Variants in IMMP2L observed in about 807,000 individuals in gnomAD.
The protein encoded by IMMP2L is mitochondrial inner membrane protease subunit 2.
In IMMP2L, 18 loss-of-function variants were observed where a neutral mutation model predicts 19.3. That is an observed-to-expected ratio of 0.93 (90% confidence interval 0.64 to 1.38). The LOEUF (loss-of-function observed/expected upper bound fraction) is 1.38, where lower values mean the gene tolerates loss of function less well. IMMP2L is among the 40% of genes most tolerant of loss of function. IMMP2L has a pLI of 0.00. For synonymous variants in IMMP2L, 76 were observed against 73.0 expected, an observed-to-expected ratio of 1.04 and a Z score of -0.21; for missense variants, 233 against 218.2, an observed-to-expected ratio of 1.07 and a Z score of -0.43.
chr7:111,084,608 A>G (rs1470599955), intron 3 of IMMP2L, among the ~76,000 whole-genome samples: 2 of 152,200 alleles, frequency 1.3e-5, no homozygotes. Flanking sequence ...AGGCAAAAGA[A>G]CAAGCCTAGG....
At chr7:111,274,956 G>A (rs1406458540) in intron 3 of IMMP2L, among the ~76,000 whole-genome samples, 1 of 152,142 alleles carries the variant, frequency 6.6e-6, no homozygotes, top group Non-Finnish European at 1.5e-5. Context: ...CTGTCTGCTT[G>A]ACATCTTCCA....
chr7:111,328,097 A>G (rs1024708416), intron 3 of IMMP2L, among the ~76,000 whole-genome samples: 2 of 151,762 alleles, frequency 1.3e-5, no homozygotes, highest in Non-Finnish European at 2.9e-5. Flanking sequence ...TAATGAAACT[A>G]CAAAGATCCA....
At chr7:111,033,682 T>C (rs1791054760) in intron 3 of IMMP2L, among the ~76,000 whole-genome samples, 1 of 152,194 alleles carries the variant, frequency 6.6e-6, no homozygotes, top group South Asian at 2.1e-4. Context: ...GAACCATTAA[T>C]GTATATTGCT....
chr7:111,068,842 C>T (rs1794723743), intron 3 of IMMP2L, among the ~76,000 whole-genome samples: 1 of 152,168 alleles, frequency 6.6e-6, no homozygotes, highest in Non-Finnish European at 1.5e-5. Context: ...TTAGAAATGA[C>T]ATGTCAGAAG....
At chr7:110,817,111 G>A (rs1168548978) in intron 5 of IMMP2L, among the ~76,000 whole-genome samples, 1 of 152,062 alleles carries the variant, frequency 6.6e-6, no homozygotes, top group Non-Finnish European at 1.5e-5. Flanking sequence ...GTTCTGGCCA[G>A]GGCAATTAGG....
Position 110,895,951 on chromosome 7 carries a change from T to C in IMMP2L, c.306-9256A>G, listed in dbSNP as rs184348308. ...ATTTTATGCAAACACAATCATGTTT[T>C]GCTGGGACTACAGGTGTGTGCCACC... On this transcript the variant is annotated intron_variant, in intron 4 of 5. Transcript: ENST00000405709. 2.9e-3 allele frequency among the ~76,000 whole-genome samples: 443 copies of C among 152,248 alleles called. 1 individual carries two copies. The highest frequency in any genetic ancestry group is 0.014 in the Middle Eastern group (4 of 294).
At chr7:111,220,476 G>T (rs1812389883) in intron 3 of IMMP2L, among the ~76,000 whole-genome samples, 1 of 151,930 alleles carries the variant, frequency 6.6e-6, no homozygotes, top group African/African-American at 2.4e-5. Context: ...TTTAATATCA[G>T]AAAATTTATT....
At chr7:110,784,011 CAAAT>C (rs552063336) in intron 5 of IMMP2L, among the ~76,000 whole-genome samples, 14 of 151,878 alleles carry the variant, frequency 9.2e-5, no homozygotes, top group African/African-American at 3.1e-4. Context: ...TTTTATGGCA[CAAAT>C]AAATATTTTC....
chr7:111,127,467 GC>G (rs1268925991), intron 3 of IMMP2L, among the ~76,000 whole-genome samples: 1 of 152,100 alleles, frequency 6.6e-6, no homozygotes, highest in Non-Finnish European at 1.5e-5. Context: ...CTAGTAGTGA[GC>G]ATTAAAATGA....
chr7:111,515,585 T>C (rs1208890624), intron 2 of IMMP2L, among the ~76,000 whole-genome samples: 1 of 152,178 alleles, frequency 6.6e-6, no homozygotes, highest in East Asian at 1.9e-4. Context: ...TCTCTGAGAA[T>C]TTCCCTTGCT....
At chr7:111,288,932 G>T (rs1820788789) in intron 3 of IMMP2L, among the ~76,000 whole-genome samples, 1 of 152,136 alleles carries the variant, frequency 6.6e-6, no homozygotes. Context: ...ATACCCAAAA[G>T]ATTGTAAATC....
At chr7:111,087,628 G>A (rs1433217383) in intron 3 of IMMP2L, among the ~76,000 whole-genome samples, 1 of 151,970 alleles carries the variant, frequency 6.6e-6, no homozygotes, top group Non-Finnish European at 1.5e-5. Context: ...TATATGCATT[G>A]TGGAGCTTAA....
chr7:110,995,914 G>A (rs775355410), intron 3 of IMMP2L, among the ~76,000 whole-genome samples: 1 of 152,018 alleles, frequency 6.6e-6, no homozygotes, highest in Non-Finnish European at 1.5e-5. Flanking sequence ...TCCTTTTATG[G>A]CATTCATAAT....
intron 5 of IMMP2L, among the ~76,000 whole-genome samples, chr7:110,857,511 C>T (rs1806920663): frequency 6.6e-6 from 1 of 152,038 alleles, no homozygotes; most frequent in Non-Finnish European, 1.5e-5. Context: ...TTTCAAAATG[C>T]TACTGAGACT....
At chr7:110,974,910 G>A (rs1232451914) in intron 3 of IMMP2L, among the ~76,000 whole-genome samples, 1 of 152,056 alleles carries the variant, frequency 6.6e-6, no homozygotes, top group Non-Finnish European at 1.5e-5. Flanking sequence ...GAAAAATTTT[G>A]TAAACATCTC....
At chr7:110,748,303 A>G (rs1797494237) in intron 5 of IMMP2L, among the ~76,000 whole-genome samples, 1 of 152,134 alleles carries the variant, frequency 6.6e-6, no homozygotes, top group South Asian at 2.1e-4. Flanking sequence ...AATCAATATC[A>G]TCAAAATGGC....
chr7:111,135,501 G>A (rs1265273769), intron 3 of IMMP2L, among the ~76,000 whole-genome samples: 5 of 152,036 alleles, frequency 3.3e-5, no homozygotes, highest in African/African-American at 1.2e-4. Context: ...GATTTTTACT[G>A]TATTGGGAAA....
At chr7:110,847,785 T>C (rs942095496) in intron 5 of IMMP2L, among the ~76,000 whole-genome samples, 11 of 152,072 alleles carry the variant, frequency 7.2e-5, no homozygotes, top group Non-Finnish European at 8.8e-5. Context: ...GACAAAGGAA[T>C]GAAGGTAAGT....
intron 5 of IMMP2L, among the ~76,000 whole-genome samples, chr7:110,797,442 C>T (rs1800936673): frequency 6.6e-6 from 1 of 151,934 alleles, no homozygotes; most frequent in Non-Finnish European, 1.5e-5. Context: ...TTAAAGCATG[C>T]TTTCAATATC....
Sources: allele counts gnomAD v4.1 joint callset (sites outside exome capture counted in the v4.1 genomes callset), GRCh38; gene constraint gnomAD v4.1.1; transcripts MANE v1.5; gene names NCBI Gene and HGNC (gene_info 2026-07-23, HGNC 2026-07-21).